Variants in PSD3 observed in about 807,000 individuals in gnomAD.
PSD3 encodes the protein pleckstrin and Sec7 domain containing 3.
Under a neutral mutation model 105.5 loss-of-function variants are expected in PSD3, and 49 were observed. That is an observed-to-expected ratio of 0.46 (90% confidence interval 0.37 to 0.59). The LOEUF is 0.59. Ranked by LOEUF, PSD3 falls within the 20% of genes least tolerant of loss-of-function variation. The probability of loss-of-function intolerance (pLI) is 0.00; values close to 1 mark genes in which losing one functional copy is unlikely to be tolerated. For synonymous variants in PSD3, 557 were observed against 457.8 expected (o/e 1.22, Z -2.77); for missense variants, 1,561 against 1,263.8 (o/e 1.24, Z -3.57).
At chr8:19,032,407 C>T (rs1827800752) in intron 1 of PSD3, among the ~76,000 whole-genome samples, 1 of 151,972 alleles carries the variant, frequency 6.6e-6, no homozygotes, top group Non-Finnish European at 1.5e-5. Context: ...CTTTGGGAGG[C>T]CAAGGTGGGA....
chr8:18,960,558 G>T (rs146872017), intron 1 of PSD3, among the ~76,000 whole-genome samples: 7 of 152,252 alleles, frequency 4.6e-5, no homozygotes, highest in Non-Finnish European at 1.0e-4. Context: ...GGTCACAATA[G>T]ATCACCAGCT....
rs564460663 is a variant in PSD3 at position 18,662,233 on chromosome 8, T to C, written c.2173-6548A>G. On this transcript the variant is annotated intron_variant, in intron 9 of 15. Transcript: ENST00000327040. ...AAGAGAATCTGAAGTATAATTAATATGTATAATTCATCATGTAATCATTTT... is the reference window on the plus strand; with the variant it reads ...AAGAGAATCTGAAGTATAATTAATACGTATAATTCATCATGTAATCATTTT... 5.7e-4 allele frequency among the ~76,000 whole-genome samples: 87 copies of C among 152,292 alleles called. 1 individual carries two copies. Among genetic ancestry groups the C allele is most frequent in the Admixed American group, 1.7e-3 (26 of 15,300 alleles).
chr8:18,654,455 T>C (rs762387105), intron 10 of PSD3, among the ~76,000 whole-genome samples: 3 of 152,210 alleles, frequency 2.0e-5, no homozygotes, highest in Non-Finnish European at 2.9e-5. Context: ...GAAGTTCTAA[T>C]TACAAAGAAC....
At chr8:18,904,580 A>T (rs1342162325) in intron 2 of PSD3, among the ~76,000 whole-genome samples, 1 of 152,198 alleles carries the variant, frequency 6.6e-6, no homozygotes, top group Admixed American at 6.5e-5. Flanking sequence ...TGAAATGGTA[A>T]TGTGTACCCA....
intron 1 of PSD3, among the ~76,000 whole-genome samples, chr8:19,001,206 C>A (rs541212398): frequency 6.6e-5 from 10 of 151,884 alleles, no homozygotes; most frequent in Admixed American, 1.3e-4. Context: ...GCAATCCTCC[C>A]TCCTCAGTCT....
chr8:18,660,277 C>T (rs958543056), intron 9 of PSD3, among the ~76,000 whole-genome samples: 2 of 152,058 alleles, frequency 1.3e-5, no homozygotes, highest in East Asian at 1.9e-4. Context: ...AGAATGCTGG[C>T]GACCACCAGA....
chr8:19,074,632 T>TGAGATGGAG (rs1829399430), intron 1 of PSD3, among the ~76,000 whole-genome samples: 1 of 118,954 alleles, frequency 8.4e-6, no homozygotes, highest in Admixed American at 8.9e-5. Flanking sequence ...TTTTTTTTTT[T>TGAGATGGAG]TTTTTTGAGA....
chr8:18,908,431 C>T (rs1287259598), intron 2 of PSD3, among the ~76,000 whole-genome samples: 1 of 152,154 alleles, frequency 6.6e-6, no homozygotes, highest in Non-Finnish European at 1.5e-5. Flanking sequence ...AAATTCTCCC[C>T]ATGCTTTCCA....
chr8:19,049,376 T>G (rs552985415), intron 1 of PSD3, among the ~76,000 whole-genome samples: 1 of 152,300 alleles, frequency 6.6e-6, no homozygotes, highest in Admixed American at 6.5e-5. Context: ...AAGACCTTCA[T>G]GTGCCTTTAC....
intron 2 of PSD3, among the ~76,000 whole-genome samples, chr8:18,933,423 G>A (rs1044034866): frequency 5.3e-5 from 8 of 151,788 alleles, no homozygotes; most frequent in Non-Finnish European, 8.8e-5. Context: ...AAATCACAGT[G>A]TCACATTCAA....
At chr8:19,044,808 G>C (rs1245403432) in intron 1 of PSD3, among the ~76,000 whole-genome samples, 1 of 105,212 alleles carries the variant, frequency 9.5e-6, no homozygotes, top group Non-Finnish European at 1.8e-5. Context: ...TAGGAGTTTG[G>C]TGGAGAGACG....
At chr8:18,845,933 G>A (rs1815052513) in intron 4 of PSD3, among the ~76,000 whole-genome samples, 2 of 152,188 alleles carry the variant, frequency 1.3e-5, no homozygotes, top group Admixed American at 1.3e-4. Context: ...ATAATTAAAT[G>A]CATTTGTAAT....
intron 15 of PSD3, among the ~76,000 whole-genome samples, chr8:18,552,593 C>T (rs1442053880): frequency 6.6e-6 from 1 of 152,162 alleles, no homozygotes; most frequent in Non-Finnish European, 1.5e-5. Context: ...AGAACTTGAT[C>T]TGTTTCCCAA....
chr8:18,797,903 T>C (rs996677806), intron 8 of PSD3, among the ~76,000 whole-genome samples: 1 of 152,154 alleles, frequency 6.6e-6, no homozygotes, highest in Non-Finnish European at 1.5e-5. Flanking sequence ...GATCACTGAC[T>C]TGATTCAATG....
intron 8 of PSD3, among the ~76,000 whole-genome samples, chr8:18,776,279 A>G (rs1331713352): frequency 7.0e-6 from 1 of 142,466 alleles, no homozygotes; most frequent in Non-Finnish European, 1.5e-5. Flanking sequence ...TATAATGTAT[A>G]AATATATATA....
At chr8:18,955,296 A>T (rs887458891) in intron 1 of PSD3, among the ~76,000 whole-genome samples, 1 of 152,184 alleles carries the variant, frequency 6.6e-6, no homozygotes, top group Non-Finnish European at 1.5e-5. Flanking sequence ...GCTGGAATGC[A>T]GTGGCACGAT....
chr8:18,844,957 T>C (rs1325676631), intron 4 of PSD3, among the ~76,000 whole-genome samples: 1 of 152,180 alleles, frequency 6.6e-6, no homozygotes, highest in Non-Finnish European at 1.5e-5. Flanking sequence ...GGAAAGGCTT[T>C]GCACTAAAAT....
chr8:18,974,039 T>C (rs1406618365), intron 1 of PSD3, among the ~76,000 whole-genome samples: 2 of 152,180 alleles, frequency 1.3e-5, no homozygotes, highest in African/African-American at 2.4e-5. Context: ...TTGAGTAGCC[T>C]ACAATACAAA....
intron 1 of PSD3, among the ~76,000 whole-genome samples, chr8:18,989,808 T>C (rs1486897718): frequency 1.3e-5 from 2 of 152,216 alleles, no homozygotes; most frequent in Non-Finnish European, 2.9e-5. Flanking sequence ...CAAGTGGCTA[T>C]TCTAATGCCT....
Sources: allele counts gnomAD v4.1 joint callset (sites outside exome capture counted in the v4.1 genomes callset), GRCh38; gene constraint gnomAD v4.1.1; transcripts MANE v1.5; gene names NCBI Gene and HGNC (gene_info 2026-07-23, HGNC 2026-07-21).